The following INSYN2B variants were observed in gnomAD, a reference collection of about 807,000 sequenced individuals.
INSYN2B encodes the protein inhibitory synaptic factor family member 2B, also known as protein INSYN2B.
Under a neutral mutation model 41.2 loss-of-function variants are expected in INSYN2B, and 16 were observed. The ratio of observed to expected loss-of-function variants is 0.39; its 90% CI spans 0.26 to 0.59. INSYN2B has a LOEUF of 0.59. INSYN2B is among the 20% of genes least tolerant of loss of function. The probability of loss-of-function intolerance (pLI) is 0.57; values close to 1 mark genes in which losing one functional copy is unlikely to be tolerated. For missense variants in INSYN2B, 608 were observed against 646.4 expected, an observed-to-expected ratio of 0.94 and a Z score of 0.64; for synonymous variants, 245 against 244.4, an observed-to-expected ratio of 1.00 and a Z score of -0.02.
At chr5:169,868,181 G>A (rs1771719192) in intron 3 of INSYN2B, among the ~76,000 whole-genome samples, 1 of 152,188 alleles carries the variant, frequency 6.6e-6, no homozygotes, top group African/African-American at 2.4e-5. Flanking sequence ...CAGGTTCCAG[G>A]AACACAACAG....
chr5:169,917,350 C>A (rs1581413159), intron 1 of INSYN2B, among the ~76,000 whole-genome samples: 1 of 152,172 alleles, frequency 6.6e-6, no homozygotes, highest in South Asian at 2.1e-4. Flanking sequence ...GTTTGTTTTG[C>A]ACCCTGACAC....
intron 1 of INSYN2B, among the ~76,000 whole-genome samples, chr5:169,975,921 G>A (rs545677610): frequency 6.6e-6 from 1 of 152,280 alleles, no homozygotes; most frequent in African/African-American, 2.4e-5. Context: ...ATTAAGAAAT[G>A]TGTGAAAGAA....
chr5:169,916,280 A>C (rs1319904377), intron 1 of INSYN2B, among the ~76,000 whole-genome samples: 1 of 152,244 alleles, frequency 6.6e-6, no homozygotes, highest in Non-Finnish European at 1.5e-5. Context: ...TTTGTCCAAC[A>C]GGAGCCTGTG....
chr5:169,961,858 A>C (rs1258542781), intron 1 of INSYN2B, among the ~76,000 whole-genome samples: 1 of 151,846 alleles, frequency 6.6e-6, no homozygotes, highest in African/African-American at 2.4e-5. Flanking sequence ...AGGCACCTGT[A>C]ATCCCAGCTA....
chr5:169,888,784 C>T (rs1773120168), intron 1 of INSYN2B, among the ~76,000 whole-genome samples: 1 of 152,214 alleles, frequency 6.6e-6, no homozygotes, highest in African/African-American at 2.4e-5. Context: ...TCAGGATAGT[C>T]AGTGTTCACT....
At chr5:169,941,446 G>A (rs1471181903) in intron 1 of INSYN2B, among the ~76,000 whole-genome samples, 2 of 152,140 alleles carry the variant, frequency 1.3e-5, no homozygotes, top group Non-Finnish European at 2.9e-5. Context: ...CAGAGGGCAG[G>A]TGGAGTGGGA....
intron 1 of INSYN2B, among the ~76,000 whole-genome samples, chr5:169,922,597 C>T (rs1295605751): frequency 3.3e-5 from 5 of 152,172 alleles, no homozygotes; most frequent in African/African-American, 7.2e-5. Flanking sequence ...GAGAATATCA[C>T]CTACATTATC....
intron 1 of INSYN2B, among the ~76,000 whole-genome samples, chr5:169,977,803 T>C (rs1364011064): frequency 6.6e-6 from 1 of 152,170 alleles, no homozygotes; most frequent in Non-Finnish European, 1.5e-5. Flanking sequence ...CTGAACTGCC[T>C]GATAAAGCTC....
chr5:169,917,902 A>G (rs1774962353), intron 1 of INSYN2B, among the ~76,000 whole-genome samples: 1 of 152,232 alleles, frequency 6.6e-6, no homozygotes, highest in Non-Finnish European at 1.5e-5. Flanking sequence ...GGGACATTAA[A>G]TAAAGAATGG....
At chr5:169,946,350 G>C (rs990121659) in intron 1 of INSYN2B, among the ~76,000 whole-genome samples, 4 of 152,236 alleles carry the variant, frequency 2.6e-5, no homozygotes, top group African/African-American at 9.6e-5. Flanking sequence ...GGGCGACTGA[G>C]GGGGACGAGT....
chr5:169,883,110 G>C lies in INSYN2B; in HGVS notation c.789C>G (p.Ser263Arg), dbSNP rs370562223. ...CTGTGCCTGGTGTGTGGCTGGCAACGCTGGTGGCATTTAAGCAGGAGGTGG... is the reference window on the plus strand; with the variant it reads ...CTGTGCCTGGTGTGTGGCTGGCAACCCTGGTGGCATTTAAGCAGGAGGTGG... ...EKSTSCLNAT[S>R]VASHTPGTEE... is the part of the protein sequence containing the mutation. Residue 263 changes from serine to arginine, a missense_variant, in exon 2 of 4, where the codon AGC becomes AGG. Coordinates refer to ENST00000377365, the MANE Select transcript of INSYN2B (RefSeq NM_001129891.3). 1.3e-6 allele frequency: 2 copies of C among 1,551,546 alleles called. No homozygotes were observed. Among genetic ancestry groups the C allele is most frequent in the Non-Finnish European group, 1.7e-6 (2 of 1,146,962 alleles).
Position 169,965,369 on chromosome 5 carries a change from A to G in INSYN2B, c.-919+14908T>C, listed in dbSNP as rs565853887. Among the ~76,000 whole-genome samples the G allele has an allele frequency of 4.6e-5, 7 of 152,362 alleles. No individual in the cohort carries two copies. The South Asian group carries it at 1.4e-3, about 32-fold the overall frequency. ...CAGGCCACACTCTGAGTAGCAAGAT[A>G]GACACTCCTTTGCATTATGTCACTT... On this transcript the variant is annotated intron_variant, in intron 1 of 3. Coordinates refer to ENST00000377365, the MANE Select transcript of INSYN2B (RefSeq NM_001129891.3).
At chr5:169,924,653 G>A (rs1775341810) in intron 1 of INSYN2B, among the ~76,000 whole-genome samples, 1 of 152,108 alleles carries the variant, frequency 6.6e-6, no homozygotes, top group Non-Finnish European at 1.5e-5. Context: ...ACCCCATCCT[G>A]CTTAAAAAAT....
chr5:169,931,459 A>G (rs1775749832), intron 1 of INSYN2B, among the ~76,000 whole-genome samples: 1 of 152,196 alleles, frequency 6.6e-6, no homozygotes, highest in African/African-American at 2.4e-5. Context: ...CCACCTATCC[A>G]AGTGCACTAA....
At chr5:169,912,070 C>A (rs1774627022) in intron 1 of INSYN2B, among the ~76,000 whole-genome samples, 1 of 152,176 alleles carries the variant, frequency 6.6e-6, no homozygotes, top group African/African-American at 2.4e-5. Context: ...AACCAAAGCA[C>A]CTTGCTCTTT....
intron 1 of INSYN2B, among the ~76,000 whole-genome samples, chr5:169,905,916 T>C (rs1038734934): frequency 6.6e-6 from 1 of 152,242 alleles, no homozygotes; most frequent in Non-Finnish European, 1.5e-5. Flanking sequence ...TAAAAACAGC[T>C]GTCTTGAACC....
At chr5:169,903,189 A>C (rs1774043522) in intron 1 of INSYN2B, among the ~76,000 whole-genome samples, 1 of 151,560 alleles carries the variant, frequency 6.6e-6, no homozygotes, top group Non-Finnish European at 1.5e-5. Context: ...AGGTGGGAGG[A>C]TCTTTTCAGC....
At chr5:169,909,385 T>C (rs1774466027) in intron 1 of INSYN2B, among the ~76,000 whole-genome samples, 1 of 152,162 alleles carries the variant, frequency 6.6e-6, no homozygotes, top group South Asian at 2.1e-4. Flanking sequence ...CAGTGGGACA[T>C]AGAATATTTC....
intron 3 of INSYN2B, chr5:169,875,461 T>C: frequency 2.8e-6 from 1 of 360,830 alleles, no homozygotes; most frequent in Non-Finnish European, 5.5e-6. Flanking sequence ...AGACCTAATA[T>C]CCTTCAGATG....
Sources: gnomAD v4.1 joint callset for allele counts (sites outside exome capture counted in the v4.1 genomes callset) on GRCh38, gnomAD v4.1.1 for gene constraint, MANE v1.5 for transcripts, NCBI Gene and HGNC (gene_info 2026-07-23, HGNC 2026-07-21) for gene names.